CCDC88A: variants seen among roughly 807,000 people sequenced by gnomAD.
The protein encoded by CCDC88A is coiled-coil and HOOK domain protein 88A.
CCDC88A carries 54 observed loss-of-function variants against 234.3 expected under a neutral mutation model. The ratio of observed to expected loss-of-function variants is 0.23; its 90% CI spans 0.19 to 0.29. The LOEUF (loss-of-function observed/expected upper bound fraction) is 0.29. Among genes scored for constraint, CCDC88A ranks in the 10% least tolerant of loss-of-function variants. CCDC88A has a pLI of 1.00. For missense variants in CCDC88A, 1,832 were observed against 2,123.4 expected (o/e 0.86, Z 2.70); for synonymous variants, 753 against 737.8 (o/e 1.02, Z -0.33).
At chr2:55,372,240 G>A (rs1672951133) in intron 5 of CCDC88A, among the ~76,000 whole-genome samples, 1 of 152,026 alleles carries the variant, frequency 6.6e-6, no homozygotes, top group African/African-American at 2.4e-5. Context: ...TATTTTAAAT[G>A]ATATGACTAT....
At chr2:55,349,751 A>G in intron 8 of CCDC88A, 152 bp from the exon 9 acceptor site, 2 of 518,398 alleles carry the variant, frequency 3.9e-6, no homozygotes, top group Middle Eastern at 4.4e-4. Context: ...AAAAAGATAG[A>G]TATTAGGAAT....
chr2:55,357,628 T>A (rs559682951), intron 7 of CCDC88A, among the ~76,000 whole-genome samples: 4 of 152,266 alleles, frequency 2.6e-5, no homozygotes, highest in African/African-American at 9.6e-5. Context: ...AAAGAATGGG[T>A]GGGGTTTACC....
chr2:55,403,337 A>G (rs1456885640), intron 2 of CCDC88A: 1 of 152,260 alleles, frequency 6.6e-6, no homozygotes, highest in Non-Finnish European at 1.5e-5. Context: ...ATGCAAGAAC[A>G]TTATGTATGG....
intron 5 of CCDC88A, among the ~76,000 whole-genome samples, chr2:55,365,868 C>T (rs551568416): frequency 3.3e-5 from 5 of 152,248 alleles, no homozygotes; most frequent in South Asian, 4.2e-4. Context: ...CTGCCCAATA[C>T]GGTGATCATT....
intron 18 of CCDC88A, among the ~76,000 whole-genome samples, chr2:55,319,715 T>C (rs1683389281): frequency 6.6e-6 from 1 of 152,180 alleles, no homozygotes; most frequent in African/African-American, 2.4e-5. Context: ...GCTAAACAAA[T>C]GAATTACTAT....
chr2:55,384,420 C>A (rs1159228328), intron 3 of CCDC88A, among the ~76,000 whole-genome samples: 1 of 146,818 alleles, frequency 6.8e-6, no homozygotes, highest in African/African-American at 2.5e-5. Flanking sequence ...TATTTTTTTT[C>A]TAATTTTCTA....
At chr2:55,390,248 G>A in intron 2 of CCDC88A, among the ~76,000 whole-genome samples, 1 of 151,962 alleles carries the variant, frequency 6.6e-6, no homozygotes, top group East Asian at 1.9e-4. Flanking sequence ...CTTTTGCATT[G>A]AATCCACTGC....
At chr2:55,352,352 A>G (rs2576687) in intron 8 of CCDC88A, among the ~76,000 whole-genome samples, 72,793 of 151,262 alleles carry the variant, frequency 0.48, 18,747 homozygotes, top group East Asian at 0.85. Flanking sequence ...GCTTGAACCC[A>G]GGAGGCAGAG....
chr2:55,358,828 C>A (rs2864830), intron 7 of CCDC88A, among the ~76,000 whole-genome samples: 70,020 of 151,852 alleles, frequency 0.46, 17,394 homozygotes, highest in East Asian at 0.85. Context: ...GATGGTTCCT[C>A]TGTCCAAGGA....
chr2:55,313,532 GA>G (rs1319394513), intron 22 of CCDC88A: 1 of 152,144 alleles, frequency 6.6e-6, no homozygotes, highest in Non-Finnish European at 1.5e-5. Context: ...GTAGAAACTG[GA>G]AATATGCCTT....
Position 55,334,414 on chromosome 2 carries a change from GTTC to G in CCDC88A, c.2404_2406del (p.Glu802del). ...TCTAGTCTTTTGCTAGATATTTTTA[GTTC>G]TTCTAGGTTTTTCTGCAATGTTTGA... On this transcript the variant is annotated inframe_deletion, in exon 15 of 33. Transcript: ENST00000436346. This position sits in a 1 kb window ranked among gnomAD's most constrained non-coding sequence, Gnocchi z 6.1. 1 of 1,578,844 alleles carries G rather than the reference GTTC, an allele frequency of 6.3e-7. No homozygotes were observed. The highest frequency in any genetic ancestry group is 8.5e-7 in the Non-Finnish European group (1 of 1,170,236).
intron 3 of CCDC88A, among the ~76,000 whole-genome samples, chr2:55,380,711 G>A (rs1674449995): frequency 6.6e-6 from 1 of 152,128 alleles, no homozygotes; most frequent in Admixed American, 6.6e-5. Context: ...TGCCTCCTGG[G>A]TTCAAGTGAT....
At chr2:55,403,418 C>T (rs1459267772) in intron 2 of CCDC88A, 4 of 152,210 alleles carry the variant, frequency 2.6e-5, no homozygotes, top group Non-Finnish European at 5.9e-5. Context: ...TTTATTGCTT[C>T]ATCAAGGACA....
At chr2:55,366,844 CAAGG>C (rs1672048498) in intron 5 of CCDC88A, among the ~76,000 whole-genome samples, 1 of 151,998 alleles carries the variant, frequency 6.6e-6, no homozygotes, top group Non-Finnish European at 1.5e-5. Context: ...AATAATAAGA[CAAGG>C]AACACATTAT....
chr2:55,343,584 C>A, intron 12 of CCDC88A, 64 bp downstream of exon 12: 2 of 1,282,648 alleles, frequency 1.6e-6, no homozygotes, highest in South Asian at 2.9e-5. Flanking sequence ...TAAAGAACTG[C>A]AAGTAAACAT....
chr2:55,304,589 C>T (rs949267708), intron 25 of CCDC88A, among the ~76,000 whole-genome samples: 3 of 151,956 alleles, frequency 2.0e-5, no homozygotes, highest in Admixed American at 2.0e-4. Context: ...TAAGGAGGTA[C>T]CCCAAAGCAA....
Position 55,363,933 on chromosome 2 carries a change from T to G in CCDC88A, c.486+17A>C. ...AAGCTTCATAAATAGCACGTAAAAT[T>G]GTATATATGTCATTACCTCTTGAAT... On this transcript the variant is annotated intron_variant, in intron 6 of 32. Transcript: ENST00000436346. The G allele has an allele frequency of 7.0e-7, 1 of 1,428,842 alleles. No homozygotes were observed. Among genetic ancestry groups the G allele is most frequent in the Non-Finnish European group, 9.8e-7 (1 of 1,025,400 alleles). The allele number at this position is 1,428,842 out of a possible 1,614,324, so 88.5% of individuals were successfully genotyped here.
intron 2 of CCDC88A, among the ~76,000 whole-genome samples, chr2:55,412,789 C>G (rs1000174760): frequency 6.6e-6 from 1 of 152,210 alleles, no homozygotes; most frequent in African/African-American, 2.4e-5. Flanking sequence ...AAGCATTGTA[C>G]ATACATTATT....
At chr2:55,323,182 G>A (rs972234488) in intron 17 of CCDC88A, 1 of 152,116 alleles carries the variant, frequency 6.6e-6, no homozygotes, top group Non-Finnish European at 1.5e-5. Flanking sequence ...CTATTAACTT[G>A]CTCATCATAC....
Sources: allele counts gnomAD v4.1 joint callset (sites outside exome capture counted in the v4.1 genomes callset), GRCh38; gene constraint gnomAD v4.1.1; non-coding constraint Gnocchi (gnomAD v3.1); transcripts MANE v1.5; gene names NCBI Gene and HGNC (gene_info 2026-07-23, HGNC 2026-07-21).